UGT3A1: variants seen among roughly 807,000 people sequenced by gnomAD.
UGT3A1 encodes the protein UDP glycosyltransferase family 3 member A1.
A neutral mutation model predicts 37.6 loss-of-function variants in UGT3A1; 40 were observed. The observed-to-expected ratio is 1.06, with a 90% CI of 0.83 to 1.38. The LOEUF is 1.38. Among genes scored for constraint, UGT3A1 ranks in the 40% most tolerant of loss-of-function variants. UGT3A1 has a pLI of 0.00. For synonymous variants in UGT3A1, 256 were observed against 232.3 expected, an observed-to-expected ratio of 1.10 and a Z score of -0.93; for missense variants, 642 against 634.2, an observed-to-expected ratio of 1.01 and a Z score of -0.13.
rs1432529822 is a variant in UGT3A1, at chr5:35,957,523, C to A, written c.844-104G>T. 3 of 901,428 alleles carry A rather than the reference C, an allele frequency of 3.3e-6. No homozygotes were observed. The South Asian group carries it at 5.0e-5, about 15-fold the overall frequency. The allele number at this position is 901,428 out of a possible 1,614,324, so 55.8% of individuals were successfully genotyped here. On this transcript the variant is annotated intron_variant, in intron 4 of 6. Transcript: ENST00000274278. Reference sequence around the variant, plus strand: ...TACTAAACATACCCTCCCATCAGTGCCTTGTCTTCACTCTCCCGAAGCTAT... The same window carrying A: ...TACTAAACATACCCTCCCATCAGTGACTTGTCTTCACTCTCCCGAAGCTAT...
upstream of UGT3A1, among the ~76,000 whole-genome samples, chr5:35,995,045 G>T (rs2111582549): frequency 6.6e-6 from 1 of 152,286 alleles, no homozygotes; most frequent in East Asian, 1.9e-4. Context: ...ACTTTCAATG[G>T]TATCTGGAGA....
At chr5:35,966,089 G>C (rs1222389801) in intron 3 of UGT3A1, among the ~76,000 whole-genome samples, 172 bp from the exon 4 acceptor site, 1 of 152,172 alleles carries the variant, frequency 6.6e-6, no homozygotes, top group African/African-American at 2.4e-5. Flanking sequence ...CTCTGGTCCA[G>C]ATATTTCTGC....
At chr5:36,000,963 C>A (rs938974251) in intron 1 of UGT3A1, 4 of 152,170 alleles carry the variant, frequency 2.6e-5, no homozygotes, top group African/African-American at 9.7e-5. Flanking sequence ...TAAAAGGACA[C>A]CTACTGGATA....
At chr5:35,978,639 G>A (rs951403387) in intron 2 of UGT3A1, among the ~76,000 whole-genome samples, 6 of 151,956 alleles carry the variant, frequency 3.9e-5, no homozygotes. Context: ...ACATGTGAAA[G>A]TGCAAGATGA....
intron 1 of UGT3A1, among the ~76,000 whole-genome samples, chr5:35,999,236 C>CAAAAAAAA (rs34007699): frequency 9.7e-6 from 1 of 103,082 alleles, no homozygotes; most frequent in Admixed American, 1.1e-4. Context: ...GACTCCATCT[C>CAAAAAAAA]AAAAAAAAAA....
intron 1 of UGT3A1, among the ~76,000 whole-genome samples, chr5:35,990,555 C>G (rs143499547): frequency 2.0e-5 from 3 of 152,216 alleles, no homozygotes; most frequent in Non-Finnish European, 2.9e-5. Context: ...TCCAAAAGAT[C>G]CGAATGACCT....
intron 2 of UGT3A1, among the ~76,000 whole-genome samples, chr5:35,978,885 G>A (rs1459410253): frequency 6.6e-6 from 1 of 152,128 alleles, no homozygotes; most frequent in Non-Finnish European, 1.5e-5. Flanking sequence ...TTACAATGAG[G>A]GTAGAGGCAA....
In UGT3A1 at chr5:35,965,927, A is replaced by G; in HGVS notation, c.312-10T>C. The G allele has an allele frequency of 6.7e-7, 1 of 1,503,436 alleles. No homozygotes were observed. The highest frequency in any genetic ancestry group is 8.9e-7 in the Non-Finnish European group (1 of 1,128,298). 93.1% of individuals were successfully genotyped at this position (1,503,436 alleles called of 1,614,324 possible). ...GGCTTCAGATTCTTTTCTGTAATAA[A>G]GAAAATAAATAATAAATATTTGGGA... On this transcript the variant is annotated splice_polypyrimidine_tract_variant and intron_variant, in intron 3 of 6. Transcript: ENST00000274278.
In UGT3A1 at chr5:35,954,030, C is replaced by T. The variant is rs1739256790; in HGVS notation, c.*172G>A. 3 of 717,690 alleles carry T rather than the reference C, an allele frequency of 4.2e-6. No homozygotes were observed. The Admixed American group carries it at 8.9e-5, about 21-fold the overall frequency. The allele number at this position is 717,690 out of a possible 1,614,324, so 44.5% of individuals were successfully genotyped here. On this transcript the variant is annotated 3_prime_UTR_variant, in exon 7 of 7. Coordinates refer to ENST00000274278, the MANE Select transcript of UGT3A1 (RefSeq NM_152404.4). ...AAGTCACAAGGGGCAAGTCAAGAAG[C>T]CTCAGTGGTGCGTGAAGATTTCTAA...
At chr5:35,979,022 G>A (rs375808998) in intron 2 of UGT3A1, among the ~76,000 whole-genome samples, 6 of 152,156 alleles carry the variant, frequency 3.9e-5, no homozygotes, top group African/African-American at 1.2e-4. Flanking sequence ...CTTTGAATCC[G>A]TGCCTCACAT....
At chr5:35,998,518 A>G (rs1467211394) in intron 1 of UGT3A1, among the ~76,000 whole-genome samples, 1 of 152,150 alleles carries the variant, frequency 6.6e-6, no homozygotes. Context: ...CAATATAACT[A>G]TTTCCCACTA....
rs936586574 is a variant in UGT3A1, at chr5:35,954,364, G to A, written c.1410C>T (p.His470=). ...GCTGCTGGAAGGCATAGGGCTTGAGGTGCGTCGCTCCCCCAGTCTGGAGGA... is the reference window on the plus strand; with the variant it reads ...GCTGCTGGAAGGCATAGGGCTTGAGATGCGTCGCTCCCCCAGTCTGGAGGA... ...DHILQTGGAT[H]LKPYAFQQPW... The change falls in exon 7 of 7, where the codon CAC becomes CAT. Residue 470 remains histidine, a synonymous_variant. Transcript: ENST00000274278. 6.2e-6 allele frequency: 10 copies of A among 1,614,226 alleles called. No homozygotes were observed. The South Asian group carries it at 7.7e-5, about 12-fold the overall frequency.
chr5:35,991,414 C>T, upstream of UGT3A1: 2 of 1,452,956 alleles, frequency 1.4e-6, no homozygotes, highest in Non-Finnish European at 1.8e-6. Context: ...CCCGCTGCCC[C>T]TCCTCCCTGG....
intron 2 of UGT3A1, among the ~76,000 whole-genome samples, chr5:35,980,643 T>A (rs905757681): frequency 2.6e-5 from 4 of 152,192 alleles, no homozygotes; most frequent in African/African-American, 9.7e-5. Flanking sequence ...CAACTCTTGA[T>A]ATTTAGTAAA....
At position 35,953,600 on chromosome 5, in the gene UGT3A1, TG is replaced by T. The variant is rs1377221238; in HGVS notation, c.*601del. 1 of 152,454 alleles carries T rather than the reference TG, an allele frequency of 6.6e-6. No individual in the cohort carries two copies. Among genetic ancestry groups the T allele is most frequent in the African/African-American group, 2.4e-5 (1 of 41,440 alleles). The allele number at this position is 152,454 out of a possible 1,614,324, so 9.4% of individuals were successfully genotyped here. A position where few individuals can be genotyped will look rare whatever the true frequency, so the allele number is the denominator to read the frequency against. On this transcript the variant is annotated 3_prime_UTR_variant, in exon 7 of 7. Transcript: ENST00000274278. ...AAGACGGGAATCTTAAGAAGACAAC[TG>T]TAAAAACTGAAATAAAGCAGTATCA...
chr5:35,988,418 A>G (rs1291439157), intron 2 of UGT3A1, 32 bp downstream of exon 2: 1 of 1,495,450 alleles, frequency 6.7e-7, no homozygotes, highest in African/African-American at 1.4e-5. Context: ...TTAGAGTAAA[A>G]GAATATAAAA....
At chr5:35,963,669 C>T (rs1739679319) in intron 4 of UGT3A1, among the ~76,000 whole-genome samples, 1 of 152,220 alleles carries the variant, frequency 6.6e-6, no homozygotes, top group African/African-American at 2.4e-5. Flanking sequence ...AGGCTGAACT[C>T]CTTGGCCAGG....
chr5:35,983,218 A>G (rs992125792), intron 2 of UGT3A1, among the ~76,000 whole-genome samples: 2 of 152,220 alleles, frequency 1.3e-5, no homozygotes, highest in Admixed American at 6.5e-5. Flanking sequence ...AGATATAACA[A>G]CAGAGACCAC....
chr5:35,965,082 A>C (rs1400651954), intron 4 of UGT3A1, among the ~76,000 whole-genome samples: 1 of 152,204 alleles, frequency 6.6e-6, no homozygotes. Flanking sequence ...ACACATAATC[A>C]CACAACATAA....
Sources: allele counts gnomAD v4.1 joint callset (sites outside exome capture counted in the v4.1 genomes callset), GRCh38; gene constraint gnomAD v4.1.1; transcripts MANE v1.5; gene names NCBI Gene and HGNC (gene_info 2026-07-23, HGNC 2026-07-21).